Variants in SGMS1 observed in about 807,000 individuals in gnomAD.
SGMS1 encodes sphingomyelin synthase 1, also known as phosphatidylcholine:ceramide cholinephosphotransferase 1.
In SGMS1, 13 loss-of-function variants were observed where a neutral mutation model predicts 46.2. The ratio of observed to expected loss-of-function variants is 0.28; its 90% CI spans 0.18 to 0.45. The LOEUF (loss-of-function observed/expected upper bound fraction) is 0.45, where lower values mean the gene tolerates loss of function less well. Ranked by LOEUF, SGMS1 falls within the 20% of genes least tolerant of loss-of-function variation. The pLI is 1.00. For missense variants in SGMS1, 324 were observed against 519.9 expected, an observed-to-expected ratio of 0.62 and a Z score of 3.66; for synonymous variants, 203 against 187.8, an observed-to-expected ratio of 1.08 and a Z score of -0.66.
Position 50,307,108 on chromosome 10 carries a change from G to A in SGMS1, c.*34C>T, listed in dbSNP as rs369088935. On this transcript the variant is annotated 3_prime_UTR_variant, in exon 11 of 11. Coordinates refer to ENST00000361781, the MANE Select transcript of SGMS1 (RefSeq NM_147156.4). The surrounding 1 kb of genome is among the most constrained non-coding windows in gnomAD (Gnocchi z 4.2). The stretch of plus-strand genomic sequence containing the variant: ...TCTCTCATGGAGTTCTTAGCACTTC[G>A]GACAATTTGTCTTTTCCCCACTTTG... 183 of 1,598,224 alleles carry A rather than the reference G, an allele frequency of 1.1e-4. No homozygotes were observed. Among genetic ancestry groups the A allele is most frequent in the Non-Finnish European group, 1.5e-4 (171 of 1,170,098 alleles).
chr10:50,346,548 C>T (rs1479516756), intron 6 of SGMS1, among the ~76,000 whole-genome samples: 1 of 152,092 alleles, frequency 6.6e-6, no homozygotes, highest in East Asian at 1.9e-4. Context: ...TATAATCTCT[C>T]CTGGGGATAG....
intron 5 of SGMS1, among the ~76,000 whole-genome samples, chr10:50,456,559 T>C (rs972129331): frequency 3.3e-5 from 5 of 152,190 alleles, no homozygotes; most frequent in Non-Finnish European, 7.3e-5. Context: ...CTCAGTTTGA[T>C]AACTTTAATA....
chr10:50,321,274 A>C (rs1440556567), intron 8 of SGMS1, among the ~76,000 whole-genome samples: 1 of 152,258 alleles, frequency 6.6e-6, no homozygotes, highest in Non-Finnish European at 1.5e-5. Context: ...AAATGCATAC[A>C]TAAGGAACTA....
chr10:50,434,035 G>A (rs1353507528), intron 5 of SGMS1, among the ~76,000 whole-genome samples: 1 of 152,160 alleles, frequency 6.6e-6, no homozygotes, highest in African/African-American at 2.4e-5. Context: ...TCCAACAAAG[G>A]CATTATACCA....
At chr10:50,425,995 G>A (rs1224796812) in intron 6 of SGMS1, among the ~76,000 whole-genome samples, 1 of 151,956 alleles carries the variant, frequency 6.6e-6, no homozygotes, top group Non-Finnish European at 1.5e-5. Flanking sequence ...AGAGAAAACA[G>A]GAAACAATCT....
chr10:50,341,041 G>C lies in SGMS1; in HGVS notation c.623+2451C>G, dbSNP rs531875177. 3.9e-5 allele frequency among the ~76,000 whole-genome samples: 6 copies of C among 152,170 alleles called. No homozygotes were observed. The South Asian group carries it at 6.2e-4, about 16-fold the overall frequency. Reference sequence around the variant, plus strand: ...ACCTCCTAGTGGAGATTGGGGATGGGGTCAACACTCAGAAGAGTCAAATAC... The same window carrying C: ...ACCTCCTAGTGGAGATTGGGGATGGCGTCAACACTCAGAAGAGTCAAATAC... On this transcript the variant is annotated intron_variant, in intron 7 of 10. Transcript: ENST00000361781.
intron 3 of SGMS1, among the ~76,000 whole-genome samples, chr10:50,475,636 G>A (rs960688798): frequency 1.3e-5 from 2 of 152,116 alleles, no homozygotes; most frequent in Non-Finnish European, 2.9e-5. Context: ...TTTTGGACGT[G>A]GGGCCTGGTG....
intron 6 of SGMS1, among the ~76,000 whole-genome samples, chr10:50,346,283 A>G (rs752211608): frequency 4.6e-5 from 7 of 152,176 alleles, no homozygotes; most frequent in Non-Finnish European, 7.3e-5. Context: ...GTCTTTGGGT[A>G]CCCATATCCT....
At chr10:50,564,123 A>G (rs1838267377) in intron 2 of SGMS1, among the ~76,000 whole-genome samples, 1 of 152,206 alleles carries the variant, frequency 6.6e-6, no homozygotes, top group Non-Finnish European at 1.5e-5. Context: ...TAACCATGAC[A>G]ACCCGAGAGA....
intron 3 of SGMS1, among the ~76,000 whole-genome samples, chr10:50,511,886 T>C (rs1042366843): frequency 6.6e-6 from 1 of 152,172 alleles, no homozygotes; most frequent in African/African-American, 2.4e-5. Context: ...TAATCTCTAA[T>C]GCTATTTGTC....
At chr10:50,349,274 C>G (rs1847966056) in intron 6 of SGMS1, among the ~76,000 whole-genome samples, 1 of 152,204 alleles carries the variant, frequency 6.6e-6, no homozygotes, top group East Asian at 1.9e-4. Flanking sequence ...TCTTTAAGGT[C>G]CTTCTCTGCA....
rs142498908 is a variant in SGMS1, at chr10:50,502,236, G to A, written c.-498+17595C>T. ...ACCTAGGTAATCATCTCTACTGCCT[G>A]CAAAAAGATGACTCTTGAATTTCCA... On this transcript the variant is annotated intron_variant, in intron 3 of 10. Coordinates refer to ENST00000361781, the MANE Select transcript of SGMS1 (RefSeq NM_147156.4). 3.6e-4 allele frequency among the ~76,000 whole-genome samples: 52 copies of A among 144,934 alleles called. 1 individual carries two copies. The East Asian group carries it at 0.011, about 31-fold the overall frequency.
At chr10:50,479,106 G>A (rs1285262805) in intron 3 of SGMS1, among the ~76,000 whole-genome samples, 1 of 151,392 alleles carries the variant, frequency 6.6e-6, no homozygotes. Context: ...ATATGTTAAT[G>A]AGTATAGTGA....
chr10:50,380,908 T>C (rs1054666689), intron 6 of SGMS1, among the ~76,000 whole-genome samples: 2 of 151,990 alleles, frequency 1.3e-5, no homozygotes, highest in African/African-American at 4.8e-5. Flanking sequence ...CAGCTCACTG[T>C]AGCAGTGACC....
intron 1 of SGMS1, among the ~76,000 whole-genome samples, chr10:50,606,960 G>C (rs1253508296): frequency 1.3e-5 from 2 of 151,440 alleles, no homozygotes; most frequent in Non-Finnish European, 2.9e-5. Context: ...ATATAACAAA[G>C]CTCAGCTCTA....
intron 2 of SGMS1, among the ~76,000 whole-genome samples, chr10:50,527,573 C>G (rs1837915223): frequency 6.6e-6 from 1 of 152,118 alleles, no homozygotes; most frequent in African/African-American, 2.4e-5. Flanking sequence ...CGCTGCCTCT[C>G]CCTAGACGTG....
At chr10:50,487,297 C>A (rs1837529607) in intron 3 of SGMS1, among the ~76,000 whole-genome samples, 1 of 152,056 alleles carries the variant, frequency 6.6e-6, no homozygotes. Context: ...AACACATGGA[C>A]ACAGGGAGGG....
At chr10:50,334,341 A>AGT (rs1847677753) in intron 7 of SGMS1, among the ~76,000 whole-genome samples, 1 of 152,228 alleles carries the variant, frequency 6.6e-6, no homozygotes, top group Non-Finnish European at 1.5e-5. Flanking sequence ...TGTATACATT[A>AGT]GTGTATATAT....
In SGMS1 at chr10:50,358,902, T is replaced by A. The variant is rs575843416; in HGVS notation, c.-231-14557A>T. ...GTATAGATTTGAAGAACAAAAATGGTTAAAGTAACAGCCACATAGTTTCAG... is the reference window on the plus strand; with the variant it reads ...GTATAGATTTGAAGAACAAAAATGGATAAAGTAACAGCCACATAGTTTCAG... On this transcript the variant is annotated intron_variant, in intron 6 of 10. Transcript: ENST00000361781. Among the ~76,000 whole-genome samples the A allele has an allele frequency of 4.6e-5, 7 of 152,326 alleles. No individual in the cohort carries two copies. The South Asian group carries it at 1.0e-3, about 23-fold the overall frequency.
Sources: gnomAD v4.1 joint callset for allele counts (sites outside exome capture counted in the v4.1 genomes callset) on GRCh38, gnomAD v4.1.1 for gene constraint, Gnocchi (gnomAD v3.1) non-coding constraint, MANE v1.5 for transcripts, NCBI Gene and HGNC (gene_info 2026-07-23, HGNC 2026-07-21) for gene names.